The following DPP10 variants were observed in gnomAD, a reference collection of about 807,000 sequenced individuals.
DPP10 encodes inactive dipeptidyl peptidase 10.
Under a neutral mutation model 120.9 loss-of-function variants are expected in DPP10, and 33 were observed. The observed-to-expected ratio is 0.27, with a 90% CI of 0.21 to 0.37. The LOEUF is 0.37. Ranked by LOEUF, DPP10 falls within the 10% of genes least tolerant of loss-of-function variation. The pLI, the probability that DPP10 is intolerant of heterozygous loss-of-function variation, is 1.00. For missense variants in DPP10, 816 were observed against 942.8 expected (o/e 0.87, Z 1.76); for synonymous variants, 337 against 326.1 (o/e 1.03, Z -0.36).
chr2:115,514,809 TA>T (rs890036545), intron 4 of DPP10, among the ~76,000 whole-genome samples: 27 of 151,850 alleles, frequency 1.8e-4, no homozygotes, highest in African/African-American at 6.5e-4. Flanking sequence ...GTATATATCA[TA>T]AAAAATTCCC....
chr2:115,480,839 A>G (rs1328173431), intron 3 of DPP10, among the ~76,000 whole-genome samples: 3 of 152,168 alleles, frequency 2.0e-5, no homozygotes, highest in Non-Finnish European at 4.4e-5. Flanking sequence ...AAGGAGAGAC[A>G]TCTGTTCTCT....
chr2:115,838,946 A>G (rs1418333785), intron 24 of DPP10, among the ~76,000 whole-genome samples: 1 of 152,188 alleles, frequency 6.6e-6, no homozygotes, highest in Non-Finnish European at 1.5e-5. Context: ...ACCCAGTCAA[A>G]CCTGTAATGT....
chr2:115,739,057 A>G (rs1013241717), intron 8 of DPP10, among the ~76,000 whole-genome samples: 1 of 152,078 alleles, frequency 6.6e-6, no homozygotes, highest in African/African-American at 2.4e-5. Context: ...GGCTGCAGTG[A>G]CAGAAGTAGT....
chr2:114,489,661 A>G (rs1367586603), intron 1 of DPP10, among the ~76,000 whole-genome samples: 1 of 152,056 alleles, frequency 6.6e-6, no homozygotes, highest in Admixed American at 6.6e-5. Flanking sequence ...TTTTCCCTGG[A>G]GCTTGAAAAT....
chr2:115,836,226 G>A lies in DPP10; in HGVS notation c.2020G>A (p.Val674Ile), dbSNP rs758019772. 10 of 1,609,296 alleles carry A rather than the reference G, an allele frequency of 6.2e-6. No homozygotes were observed. The Admixed American group carries it at 1.0e-4, about 16-fold the overall frequency. The change falls in exon 22 of 26, where the codon GTT (valine) becomes ATT (isoleucine). Residue 674 changes from valine (V) to isoleucine (I), a missense_variant. Val to Ile is a conservative substitution (Grantham distance 29). This residue lies in a region of DPP10 where 592 missense variants were observed against 649.0 expected (regional missense o/e 0.91). Transcript: ENST00000410059. ...AAAGCTTTTTAAATGTGGATCCGTG[G>A]TTGCACCTATCACAGACTTGAAATT... ...DEKLFKCGSV[V>I]APITDLKLYA...
At chr2:115,330,548 T>C (rs2062660131) in intron 2 of DPP10, among the ~76,000 whole-genome samples, 1 of 152,096 alleles carries the variant, frequency 6.6e-6, no homozygotes, top group Non-Finnish European at 1.5e-5. Context: ...GGTTTTCTTC[T>C]AGGGTTTTTA....
At chr2:115,012,277 A>T (rs1702319090) in intron 1 of DPP10, among the ~76,000 whole-genome samples, 1 of 152,074 alleles carries the variant, frequency 6.6e-6, no homozygotes, top group East Asian at 1.9e-4. Context: ...AGGAACCTGA[A>T]TACTGAACCA....
chr2:115,735,236 C>A (rs1297831723), intron 8 of DPP10, among the ~76,000 whole-genome samples: 1 of 152,142 alleles, frequency 6.6e-6, no homozygotes, highest in Admixed American at 6.5e-5. Flanking sequence ...TACATAAAAT[C>A]TCATCTGCTA....
chr2:115,802,546 C>T (rs1235464107), intron 19 of DPP10, among the ~76,000 whole-genome samples: 1 of 152,032 alleles, frequency 6.6e-6, no homozygotes, highest in Non-Finnish European at 1.5e-5. Context: ...TAGATCTTTC[C>T]TGCTTTCTGT....
chr2:115,501,275 T>G (rs1195097045), intron 4 of DPP10, among the ~76,000 whole-genome samples: 1 of 152,040 alleles, frequency 6.6e-6, no homozygotes, highest in Non-Finnish European at 1.5e-5. Flanking sequence ...TTTCCATTAT[T>G]TATTCATTAC....
chr2:114,942,530 T>C (rs1196703638), intron 1 of DPP10, among the ~76,000 whole-genome samples: 1 of 151,146 alleles, frequency 6.6e-6, no homozygotes, highest in East Asian at 2.0e-4. Context: ...AATAAGTCAA[T>C]CTGTCTTTTG....
intron 1 of DPP10, among the ~76,000 whole-genome samples, chr2:114,792,578 T>G (rs966831526): frequency 6.6e-6 from 1 of 152,226 alleles, no homozygotes; most frequent in African/African-American, 2.4e-5. Flanking sequence ...CCCATTTTTC[T>G]CTGATAAGAA....
chr2:115,282,358 A>G (rs1409863957), intron 1 of DPP10, among the ~76,000 whole-genome samples: 1 of 152,138 alleles, frequency 6.6e-6, no homozygotes, highest in Non-Finnish European at 1.5e-5. Flanking sequence ...CAATTTACAT[A>G]CAATAAAATT....
Position 115,675,122 on chromosome 2 carries a change from TC to T in DPP10, c.442-14562del, listed in dbSNP as rs541035723. Among the ~76,000 whole-genome samples, 201 of 152,280 alleles carry T rather than the reference TC, an allele frequency of 1.3e-3. 1 individual carries two copies. The highest frequency in any genetic ancestry group is 4.3e-3 in the African/African-American group (180 of 41,556). On this transcript the variant is annotated intron_variant, in intron 5 of 25. Transcript: ENST00000410059. ...TCTTTTAAAATAAAAACATTGATTT[TC>T]CCTCAAAGATGTTATCATTACCTGG...
At chr2:114,631,945 A>G (rs1694956974) in intron 1 of DPP10, among the ~76,000 whole-genome samples, 1 of 152,156 alleles carries the variant, frequency 6.6e-6, no homozygotes, top group Non-Finnish European at 1.5e-5. Flanking sequence ...AGAATATTCC[A>G]TTCGTTGCTT....
chr2:115,784,622 C>G (rs563101866), intron 17 of DPP10, among the ~76,000 whole-genome samples: 2 of 152,222 alleles, frequency 1.3e-5, no homozygotes, highest in African/African-American at 4.8e-5. Flanking sequence ...CAACCTCCAC[C>G]TCCCAGGTTC....
chr2:114,691,298 C>T (rs1213819150), intron 1 of DPP10, among the ~76,000 whole-genome samples: 1 of 152,028 alleles, frequency 6.6e-6, no homozygotes, highest in East Asian at 1.9e-4. Flanking sequence ...TTATTGAAGG[C>T]TTTTTCTGTG....
intron 1 of DPP10, among the ~76,000 whole-genome samples, chr2:115,269,370 T>G (rs1277374525): frequency 6.6e-6 from 1 of 152,182 alleles, no homozygotes; most frequent in East Asian, 1.9e-4. Context: ...TTCCAGACTT[T>G]CTGGCTTAAA....
intron 1 of DPP10, among the ~76,000 whole-genome samples, chr2:114,844,128 C>A (rs1307740505): frequency 6.6e-6 from 1 of 152,006 alleles, no homozygotes; most frequent in Non-Finnish European, 1.5e-5. Context: ...CCTATTTTGT[C>A]CTTTCTTTAC....
Sources: gnomAD v4.1 joint callset for allele counts (sites outside exome capture counted in the v4.1 genomes callset) on GRCh38, gnomAD v4.1.1 for gene constraint, gnomAD v4.1.1 regional missense constraint, MANE v1.5 for transcripts, NCBI Gene and HGNC (gene_info 2026-07-23, HGNC 2026-07-21) for gene names.